RTN4: variants seen among roughly 807,000 people sequenced by gnomAD.
The protein encoded by RTN4 is reticulon 4, also known as reticulon-4.
Under a neutral mutation model 90.4 loss-of-function variants are expected in RTN4, and 32 were observed. That is an observed-to-expected ratio of 0.35 (90% CI 0.27 to 0.48). The LOEUF is 0.48. Among genes scored for constraint, RTN4 ranks in the 20% least tolerant of loss-of-function variants. The pLI, the probability that RTN4 is intolerant of heterozygous loss-of-function variation, is 0.99. For synonymous variants in RTN4, 629 were observed against 552.5 expected (o/e 1.14, Z -1.94); for missense variants, 1,706 against 1,430.2 (o/e 1.19, Z -3.11).
chr2:55,048,745 A>C (rs1667919042), intron 1 of RTN4, among the ~76,000 whole-genome samples: 1 of 152,190 alleles, frequency 6.6e-6, no homozygotes, highest in Admixed American at 6.5e-5. Context: ...AATATATATG[A>C]AAATGTCTGT....
rs147637983 is a variant in RTN4 at position 55,035,849 on chromosome 2, T to G, written c.557-7629A>C. On this transcript the variant is annotated intron_variant, in intron 1 of 8. Coordinates refer to ENST00000337526, the MANE Select transcript of RTN4 (RefSeq NM_020532.5). The stretch of plus-strand genomic sequence containing the variant: ...TTAGATGAGTAGACAACTTCCTTGA[T>G]GTCTACTTATCAAAATGAAAGACAA... 3.5e-3 allele frequency among the ~76,000 whole-genome samples: 535 copies of G among 152,322 alleles called. 1 individual carries two copies. Among genetic ancestry groups the G allele is most frequent in the South Asian group, 0.02 (99 of 4,830 alleles).
At chr2:55,016,621 T>C (rs1681062619) in intron 3 of RTN4, among the ~76,000 whole-genome samples, 1 of 152,036 alleles carries the variant, frequency 6.6e-6, no homozygotes, top group Non-Finnish European at 1.5e-5. Context: ...GCATTGAAAG[T>C]AGACTAGAAT....
At chr2:55,131,011 A>T in the RTN4 span, among the ~76,000 whole-genome samples, 1 of 152,194 alleles carries the variant, frequency 6.6e-6, no homozygotes. Context: ...TCTTCAGTGT[A>T]CAAAGGAAAA....
intron 3 of RTN4, among the ~76,000 whole-genome samples, chr2:55,017,207 A>G (rs1681104583): frequency 6.6e-6 from 1 of 152,214 alleles, no homozygotes; most frequent in Admixed American, 6.5e-5. Flanking sequence ...CAATAAAAAT[A>G]TATTTTAAAC....
At chr2:55,011,895 T>A (rs1021002062) in intron 3 of RTN4, among the ~76,000 whole-genome samples, 1 of 152,164 alleles carries the variant, frequency 6.6e-6, no homozygotes, top group East Asian at 1.9e-4. Context: ...TAAACTTTAT[T>A]CACTGAACCC....
intron 3 of RTN4, among the ~76,000 whole-genome samples, chr2:55,002,443 T>C (rs1259350958): frequency 6.6e-6 from 1 of 152,212 alleles, no homozygotes; most frequent in African/African-American, 2.4e-5. Context: ...CTGTTTGCCA[T>C]CTTCTAAGGA....
chr2:55,131,870 C>T, the RTN4 span, among the ~76,000 whole-genome samples: 1 of 151,738 alleles, frequency 6.6e-6, no homozygotes, highest in Non-Finnish European at 1.5e-5. Context: ...GGCAACAGAG[C>T]GAGACTCCAT....
chr2:54,986,704 G>C (rs953697580), intron 4 of RTN4, among the ~76,000 whole-genome samples: 1 of 152,192 alleles, frequency 6.6e-6, no homozygotes, highest in Non-Finnish European at 1.5e-5. Flanking sequence ...ATTTAAAAAC[G>C]TGGTGAATTA....
chr2:55,104,388 T>C (rs1042434393), intron 1 of RTN4, among the ~76,000 whole-genome samples: 2 of 151,774 alleles, frequency 1.3e-5, no homozygotes, highest in African/African-American at 2.4e-5. Context: ...AGTCTTGCTC[T>C]GTTGCCCAGG....
At position 54,987,502 on chromosome 2, in the gene RTN4, G is replaced by T. The variant is rs751388482; in HGVS notation, c.3210C>A (p.Gly1070=). 1 of 1,612,272 alleles carries T rather than the reference G, an allele frequency of 6.2e-7. No homozygotes were observed. The highest frequency in any genetic ancestry group is 2.2e-5 in the East Asian group (1 of 44,866). Residue 1070 remains glycine (G), a synonymous_variant, in exon 4 of 9, where the codon GGC becomes GGA. Transcript: ENST00000337526. Reference sequence around the variant, plus strand: ...TCCAGACATCTCACCTGAATGGGTGGCCTTCATCTGATTTCTGGATAGCTT... The same window carrying T: ...TCCAGACATCTCACCTGAATGGGTGTCCTTCATCTGATTTCTGGATAGCTT... ...VIQAIQKSDE[G]HPFRAYLESE...
intron 1 of RTN4, among the ~76,000 whole-genome samples, chr2:55,089,478 C>T (rs997347462): frequency 6.6e-6 from 1 of 152,152 alleles, no homozygotes; most frequent in Admixed American, 6.5e-5. Context: ...AGGCACATCC[C>T]GTTTTGGTCA....
chr2:55,010,391 C>T (rs1680547340), intron 3 of RTN4: 2 of 1,252,668 alleles, frequency 1.6e-6, no homozygotes, highest in Non-Finnish European at 2.0e-6. Flanking sequence ...TAGGCATTTG[C>T]CTTGTTGCTC....
the RTN4 span, among the ~76,000 whole-genome samples, chr2:55,124,348 A>C: frequency 1.7e-3 from 259 of 152,372 alleles, 2 homozygotes; most frequent in African/African-American, 5.9e-3. Context: ...CACTTAACCA[A>C]GGAGGCAAAG....
intron 2 of RTN4, among the ~76,000 whole-genome samples, chr2:55,063,613 G>A (rs1668339122): frequency 6.6e-6 from 1 of 152,088 alleles, no homozygotes; most frequent in African/African-American, 2.4e-5. Context: ...CGACGCAGTG[G>A]CTCACACCTG....
chr2:55,098,249 T>C (rs2920875), intron 1 of RTN4, among the ~76,000 whole-genome samples: 54,650 of 152,000 alleles, frequency 0.36, 10,383 homozygotes, highest in East Asian at 0.67. Context: ...GTGGTGGAGA[T>C]TTAAGGATTA....
chr2:55,028,345 C>T, intron 1 of RTN4, 125 bp from the exon 2 acceptor site: 1 of 703,400 alleles, frequency 1.4e-6, no homozygotes, highest in Non-Finnish European at 2.3e-6. Context: ...AGAGAAAGGG[C>T]CAAGATCAAA....
rs145919467 is a variant in RTN4, at chr2:54,990,871, C to T, written c.3014-3173G>A. On this transcript the variant is annotated intron_variant, in intron 3 of 8. Coordinates refer to ENST00000337526, the MANE Select transcript of RTN4 (RefSeq NM_020532.5). ...CGCGATCTCGGCTCATTGCAAGCTC[C>T]GCCTCCCAGGTTCATGGCATTCTCC... Among the ~76,000 whole-genome samples the T allele has an allele frequency of 5.2e-3, 797 of 152,126 alleles. 6 individuals are homozygous for T. Among genetic ancestry groups the T allele is most frequent in the African/African-American group, 0.018 (760 of 41,508 alleles).
At position 55,025,289 on chromosome 2, in the gene RTN4, T is replaced by G; in HGVS notation, c.2810A>C (p.Asp937Ala). ...TGTAGCAGACCCATTTTTAGAAAAG[T>G]CATCTGAGAAACTGATTTTCTCTTC... ...KVEEKISFSD[D>A]FSKNGSATSK... is the part of the protein sequence containing the mutation. The change falls in exon 3 of 9, where the codon GAC (aspartate) becomes GCC (alanine). Residue 937 changes from aspartate to alanine, a missense_variant. Coordinates refer to ENST00000337526, the MANE Select transcript of RTN4 (RefSeq NM_020532.5). 6.2e-7 allele frequency: 1 copy of G among 1,613,906 alleles called. No homozygotes were observed. Among genetic ancestry groups the G allele is most frequent in the Non-Finnish European group, 8.5e-7 (1 of 1,179,870 alleles).
At chr2:55,051,228 T>C (rs1668081988), upstream of RTN4, among the ~76,000 whole-genome samples, 1 of 152,092 alleles carries the variant, frequency 6.6e-6, no homozygotes, top group Non-Finnish European at 1.5e-5. Flanking sequence ...CAAAGAGAGT[T>C]TGGGGCCTTG....
Sources: gnomAD v4.1 joint callset for allele counts (sites outside exome capture counted in the v4.1 genomes callset) on GRCh38, gnomAD v4.1.1 for gene constraint, MANE v1.5 for transcripts, NCBI Gene and HGNC (gene_info 2026-07-23, HGNC 2026-07-21) for gene names.